The following AGBL1 variants were observed in gnomAD, a reference collection of about 807,000 sequenced individuals.
The protein encoded by AGBL1 is cytosolic carboxypeptidase 4.
AGBL1 carries 130 observed loss-of-function variants against 118.9 expected under a neutral mutation model. The observed-to-expected ratio is 1.09, with a 90% CI of 0.95 to 1.26. The LOEUF is 1.26. Among genes scored for constraint, AGBL1 ranks in the 50% most tolerant of loss-of-function variants. The pLI is 0.00. For synonymous variants in AGBL1, 555 were observed against 478.9 expected, an observed-to-expected ratio of 1.16 and a Z score of -2.08; for missense variants, 1,584 against 1,298.1, an observed-to-expected ratio of 1.22 and a Z score of -3.38.
chr15:86,582,341 T>C (rs2084182349), intron 21 of AGBL1, among the ~76,000 whole-genome samples: 1 of 152,170 alleles, frequency 6.6e-6, no homozygotes, highest in East Asian at 1.9e-4. Flanking sequence ...TTTACTGGTC[T>C]ATATAATCTT....
chr15:86,816,468 A>G (rs1386545720), intron 22 of AGBL1, among the ~76,000 whole-genome samples: 2 of 152,344 alleles, frequency 1.3e-5, no homozygotes, highest in African/African-American at 2.4e-5. Flanking sequence ...CACCAAAGAA[A>G]TATCAGGAGG....
At chr15:86,890,763 C>A (rs1051036824) in intron 22 of AGBL1, among the ~76,000 whole-genome samples, 9 of 152,132 alleles carry the variant, frequency 5.9e-5, no homozygotes, top group African/African-American at 2.2e-4. Context: ...TGTTTTGGTA[C>A]CAGTACCATG....
intron 21 of AGBL1, among the ~76,000 whole-genome samples, chr15:86,610,429 T>C (rs995220562): frequency 6.6e-6 from 1 of 152,196 alleles, no homozygotes; most frequent in Non-Finnish European, 1.5e-5. Context: ...AATGCTTACC[T>C]GGGGCCCTTA....
chr15:86,751,018 ATTTTT>A (rs1567155974), intron 22 of AGBL1, among the ~76,000 whole-genome samples: 1 of 152,088 alleles, frequency 6.6e-6, no homozygotes, highest in Non-Finnish European at 1.5e-5. Flanking sequence ...TGTGTACCAC[ATTTTT>A]TAAATACAGT....
chr15:86,451,640 A>G (rs1307474993), intron 18 of AGBL1, among the ~76,000 whole-genome samples: 1 of 152,200 alleles, frequency 6.6e-6, no homozygotes, highest in Non-Finnish European at 1.5e-5. Context: ...TACCAAAAGG[A>G]GAAATGAATA....
At chr15:86,990,176 T>C (rs957147465) in intron 24 of AGBL1, among the ~76,000 whole-genome samples, 1 of 152,112 alleles carries the variant, frequency 6.6e-6, no homozygotes, top group Admixed American at 6.6e-5. Flanking sequence ...GTTAGAGGGC[T>C]CTTGTGTAAC....
At chr15:86,579,023 A>T (rs889776980) in intron 21 of AGBL1, among the ~76,000 whole-genome samples, 19 of 152,178 alleles carry the variant, frequency 1.2e-4, no homozygotes, top group African/African-American at 4.6e-4. Context: ...GCATATTGTT[A>T]TACCCAGCCT....
chr15:86,858,210 C>A (rs2079511057), intron 22 of AGBL1, among the ~76,000 whole-genome samples: 1 of 152,028 alleles, frequency 6.6e-6, no homozygotes, highest in Non-Finnish European at 1.5e-5. Flanking sequence ...GAAAAGAAGG[C>A]AAAAGCTTGG....
intron 18 of AGBL1, among the ~76,000 whole-genome samples, chr15:86,460,501 TAAAACAAAAC>T (rs1246216410): frequency 7.0e-6 from 1 of 143,084 alleles, no homozygotes; most frequent in Non-Finnish European, 1.5e-5. Flanking sequence ...CCTTGTGTCT[TAAAACAAAAC>T]AAAACAAACA....
chr15:86,811,738 G>C (rs148112452), intron 22 of AGBL1, among the ~76,000 whole-genome samples: 32 of 152,186 alleles, frequency 2.1e-4, no homozygotes, highest in Non-Finnish European at 3.5e-4. Context: ...CAAAAAGAAA[G>C]TTACAGTTTG....
At chr15:86,472,096 A>T (rs548992409) in intron 18 of AGBL1, among the ~76,000 whole-genome samples, 1 of 152,294 alleles carries the variant, frequency 6.6e-6, no homozygotes, top group East Asian at 1.9e-4. Flanking sequence ...GCAAGGTAGG[A>T]TCCTCCCCTA....
At chr15:86,676,887 G>A (rs530947177) in intron 22 of AGBL1, among the ~76,000 whole-genome samples, 16 of 152,250 alleles carry the variant, frequency 1.1e-4, no homozygotes. Context: ...TGGATCACGA[G>A]GTCAGGAGTT....
intron 5 of AGBL1, among the ~76,000 whole-genome samples, chr15:86,194,897 A>G (rs1459323430): frequency 3.3e-5 from 5 of 152,248 alleles, no homozygotes; most frequent in Admixed American, 2.6e-4. Flanking sequence ...ACAATTTGTC[A>G]TTTAGGTCTT....
At chr15:86,826,897 G>A (rs2141402067) in intron 22 of AGBL1, among the ~76,000 whole-genome samples, 2 of 152,108 alleles carry the variant, frequency 1.3e-5, no homozygotes, top group Middle Eastern at 3.4e-3. Flanking sequence ...AGGAGAATAT[G>A]CCTGACATAA....
chr15:86,492,756 GGAA>G (rs1596185708), intron 18 of AGBL1, among the ~76,000 whole-genome samples: 1 of 152,078 alleles, frequency 6.6e-6, no homozygotes, highest in Non-Finnish European at 1.5e-5. Flanking sequence ...AGTGTAGAAG[GGAA>G]GAAGAAGATC....
At chr15:86,713,308 A>G (rs1409547367) in intron 22 of AGBL1, among the ~76,000 whole-genome samples, 2 of 152,170 alleles carry the variant, frequency 1.3e-5, no homozygotes, top group Non-Finnish European at 1.5e-5. Context: ...AGCAGAAGAG[A>G]GCATTGGAAT....
chr15:86,342,153 T>A (rs1259011633), intron 17 of AGBL1, among the ~76,000 whole-genome samples: 1 of 152,218 alleles, frequency 6.6e-6, no homozygotes, highest in East Asian at 1.9e-4. Context: ...ATCCTTTTTT[T>A]ACTGCTACTT....
intron 22 of AGBL1, among the ~76,000 whole-genome samples, chr15:86,746,064 C>G (rs115824108): frequency 6.7e-4 from 102 of 152,166 alleles, no homozygotes; most frequent in African/African-American, 2.2e-3. Flanking sequence ...TGCCTCTCAC[C>G]TAGTACTTCA....
At chr15:86,110,803 C>T (rs1044113815) in intron 1 of AGBL1, among the ~76,000 whole-genome samples, 1 of 152,176 alleles carries the variant, frequency 6.6e-6, no homozygotes, top group Non-Finnish European at 1.5e-5. Context: ...CTGAACGAGC[C>T]TAGCAGTGTC....
Sources: allele counts gnomAD v4.1 joint callset (sites outside exome capture counted in the v4.1 genomes callset), GRCh38; gene constraint gnomAD v4.1.1; transcripts MANE v1.5; gene names NCBI Gene and HGNC (gene_info 2026-07-23, HGNC 2026-07-21).